The following NEK7 variants were observed in gnomAD, a reference collection of about 807,000 sequenced individuals.
NEK7 encodes the protein NIMA related kinase 7, also known as serine/threonine-protein kinase Nek7.
In NEK7, 18 loss-of-function variants were observed where a neutral mutation model predicts 44.6. The ratio of observed to expected loss-of-function variants is 0.40; its 90% CI spans 0.28 to 0.60. NEK7 has a LOEUF of 0.60. Among genes scored for constraint, NEK7 ranks in the 20% least tolerant of loss-of-function variants. The pLI is 0.38. For synonymous variants in NEK7, 130 were observed against 121.1 expected (o/e 1.07, Z -0.48); for missense variants, 256 against 366.5 (o/e 0.70, Z 2.46).
chr1:198,250,121 G>A (rs547316196), intron 2 of NEK7, among the ~76,000 whole-genome samples: 2,352 of 148,152 alleles, frequency 0.016, 30 homozygotes, highest in African/African-American at 0.03. Context: ...TCCCAGCACC[G>A]TTTATTAAAT....
intron 1 of NEK7, among the ~76,000 whole-genome samples, chr1:198,178,673 C>T (rs1382302890): frequency 1.3e-5 from 2 of 151,466 alleles, no homozygotes; most frequent in African/African-American, 4.9e-5. Flanking sequence ...CATGGACCCT[C>T]TCCCTGCCAT....
intron 5 of NEK7, among the ~76,000 whole-genome samples, chr1:198,270,803 G>T (rs959425352): frequency 2.0e-5 from 3 of 151,850 alleles, no homozygotes; most frequent in Admixed American, 6.6e-5. Context: ...TACAAATTTA[G>T]CAGCTTTAAG....
chr1:198,290,406 A>G (rs1443305046), intron 7 of NEK7, among the ~76,000 whole-genome samples: 2 of 152,220 alleles, frequency 1.3e-5, no homozygotes, highest in African/African-American at 4.8e-5. Context: ...TGTTGAAAAC[A>G]TATCACTGCA....
chr1:198,159,119 C>T (rs762962410), intron 1 of NEK7, among the ~76,000 whole-genome samples: 3 of 152,150 alleles, frequency 2.0e-5, no homozygotes, highest in Non-Finnish European at 4.4e-5. Flanking sequence ...CGCTGGGTGC[C>T]GGGAGGCTCC....
At chr1:198,236,195 T>G (rs959039690) in intron 2 of NEK7, among the ~76,000 whole-genome samples, 13 of 152,190 alleles carry the variant, frequency 8.5e-5, no homozygotes, top group African/African-American at 3.1e-4. Context: ...CTAGTTTATC[T>G]TCTGGAGTTA....
intron 1 of NEK7, among the ~76,000 whole-genome samples, chr1:198,214,444 G>C (rs1218667030): frequency 6.6e-6 from 1 of 152,100 alleles, no homozygotes; most frequent in African/African-American, 2.4e-5. Context: ...TTCTGGATAT[G>C]GATGAAAAAT....
intron 2 of NEK7, among the ~76,000 whole-genome samples, chr1:198,250,587 G>A (rs1652911158): frequency 7.3e-6 from 1 of 136,778 alleles, no homozygotes; most frequent in African/African-American, 2.8e-5. Context: ...CCTTGAAGAG[G>A]TCCTTCACAT....
chr1:198,190,806 A>C (rs1665051724), intron 1 of NEK7, among the ~76,000 whole-genome samples: 1 of 151,800 alleles, frequency 6.6e-6, no homozygotes, highest in African/African-American at 2.4e-5. Context: ...TTTTTGTTTT[A>C]TTTCCAACAT....
intron 6 of NEK7, 83 bp from the exon 7 acceptor site, chr1:198,278,871 C>A (rs1007008913): frequency 8.6e-6 from 6 of 698,708 alleles, no homozygotes; most frequent in African/African-American, 5.5e-5. Flanking sequence ...ATTTTAAATT[C>A]TGTCACGAAA....
At chr1:198,306,846 G>A (rs1655037869) in intron 9 of NEK7, among the ~76,000 whole-genome samples, 2 of 151,980 alleles carry the variant, frequency 1.3e-5, no homozygotes, top group Admixed American at 1.3e-4. Context: ...TAGAGTAACA[G>A]GTCTATTTAA....
rs374263338 is a variant in NEK7 at position 198,267,578 on chromosome 1, G to C, written c.372+3343G>C. The stretch of plus-strand genomic sequence containing the variant: ...CCTGTCTCTGCCTCCCTAGTAGCTA[G>C]GACTACTGGTGTGCACCACCACACC... On this transcript the variant is annotated intron_variant, in intron 5 of 9. Transcript: ENST00000367385. Among the ~76,000 whole-genome samples the C allele has an allele frequency of 1.2e-3, 189 of 152,096 alleles. 2 individuals are homozygous for C. The highest frequency in any genetic ancestry group is 4.4e-3 in the African/African-American group (182 of 41,514).
At chr1:198,177,532 A>G (rs1212225208) in intron 1 of NEK7, among the ~76,000 whole-genome samples, 1 of 152,152 alleles carries the variant, frequency 6.6e-6, no homozygotes, top group African/African-American at 2.4e-5. Context: ...GAGTTTGGGA[A>G]AGGGACATGT....
At chr1:198,256,651 C>A in intron 3 of NEK7, 3 of 782,996 alleles carry the variant, frequency 3.8e-6, no homozygotes, top group South Asian at 2.3e-5. Flanking sequence ...GTGTCTAAGG[C>A]TTTAGGAAGA....
intron 3 of NEK7, among the ~76,000 whole-genome samples, chr1:198,254,732 A>G (rs945166862): frequency 6.6e-6 from 1 of 152,154 alleles, no homozygotes; most frequent in African/African-American, 2.4e-5. Context: ...GTGTACTGCA[A>G]GTTAATGCCA....
At chr1:198,257,178 C>T (rs1653295750) in intron 3 of NEK7, among the ~76,000 whole-genome samples, 1 of 152,002 alleles carries the variant, frequency 6.6e-6, no homozygotes, top group Non-Finnish European at 1.5e-5. Flanking sequence ...TAAAATAATA[C>T]TTTATGTATT....
intron 9 of NEK7, among the ~76,000 whole-genome samples, chr1:198,301,279 T>C (rs374444820): frequency 6.6e-6 from 1 of 152,178 alleles, no homozygotes; most frequent in Admixed American, 6.5e-5. Context: ...GGCCGGGCGC[T>C]GTGGCTCACG....
At chr1:198,294,856 A>C in intron 8 of NEK7, among the ~76,000 whole-genome samples, 1 of 152,076 alleles carries the variant, frequency 6.6e-6, no homozygotes, top group African/African-American at 2.4e-5. Flanking sequence ...GAAGAACTAG[A>C]ATTTTTCTAA....
chr1:198,314,446 G>A (rs941613988), intron 9 of NEK7, among the ~76,000 whole-genome samples: 1 of 152,316 alleles, frequency 6.6e-6, no homozygotes, highest in African/African-American at 2.4e-5. Flanking sequence ...CAAAGTCATT[G>A]TCAGTCCAGC....
chr1:198,222,690 G>A (rs564600624), intron 1 of NEK7, among the ~76,000 whole-genome samples: 1 of 152,036 alleles, frequency 6.6e-6, no homozygotes, highest in Non-Finnish European at 1.5e-5. Flanking sequence ...TTCATTCAGC[G>A]ATGTTTATCG....
Sources: allele counts gnomAD v4.1 joint callset (sites outside exome capture counted in the v4.1 genomes callset), GRCh38; gene constraint gnomAD v4.1.1; transcripts MANE v1.5; gene names NCBI Gene and HGNC (gene_info 2026-07-23, HGNC 2026-07-21).